CUL2: variants seen among roughly 807,000 people sequenced by gnomAD.
CUL2 encodes cullin 2.
CUL2 carries 22 observed loss-of-function variants against 110.2 expected under a neutral mutation model. The observed-to-expected ratio is 0.20, with a 90% confidence interval of 0.14 to 0.28. The LOEUF (loss-of-function observed/expected upper bound fraction) is 0.28, where lower values mean the gene tolerates loss of function less well. Among genes scored for constraint, CUL2 ranks in the 10% least tolerant of loss-of-function variants. The probability of loss-of-function intolerance (pLI) is 1.00; values close to 1 mark genes in which losing one functional copy is unlikely to be tolerated. For missense variants in CUL2, 631 were observed against 905.5 expected (o/e 0.70, Z 3.89); for synonymous variants, 279 against 293.2 (o/e 0.95, Z 0.49).
chr10:35,114,492 C>A (rs184022098), intron 1 of CUL2, among the ~76,000 whole-genome samples: 16 of 152,146 alleles, frequency 1.1e-4, no homozygotes, highest in East Asian at 7.8e-4. Context: ...CAGCGATTCT[C>A]CTGCCTCAGC....
chr10:35,070,957 A>C (rs1427779863), intron 2 of CUL2, among the ~76,000 whole-genome samples: 1 of 152,090 alleles, frequency 6.6e-6, no homozygotes, highest in Non-Finnish European at 1.5e-5. Context: ...TTTGTTCACC[A>C]ACTGTATTCC....
chr10:35,048,426 C>T (rs2086007006), intron 6 of CUL2, among the ~76,000 whole-genome samples: 1 of 152,076 alleles, frequency 6.6e-6, no homozygotes, highest in Admixed American at 6.6e-5. Flanking sequence ...AACAATCACA[C>T]TAAAAATTTA....
chr10:35,092,375 C>A (rs1046648794), upstream of CUL2, among the ~76,000 whole-genome samples: 1 of 152,224 alleles, frequency 6.6e-6, no homozygotes, highest in Admixed American at 6.5e-5. Flanking sequence ...GTCATTGGAT[C>A]GCTGTATTCT....
chr10:35,010,450 A>T lies in CUL2; in HGVS notation c.2107-8T>A. ...TCTTGACTGGCTAATCACCTGTGGA[A>T]GAGATGTGGAAGTCAAACTACTGCC... On this transcript the variant is annotated splice_region_variant and splice_polypyrimidine_tract_variant and intron_variant, in intron 20 of 20. Transcript: ENST00000374749. 6.3e-7 allele frequency: 1 copy of T among 1,598,568 alleles called. No homozygotes were observed. Among genetic ancestry groups the T allele is most frequent in the East Asian group, 2.3e-5 (1 of 43,960 alleles).
At chr10:35,122,730 T>C (rs1011558467) in intron 1 of CUL2, among the ~76,000 whole-genome samples, 3 of 152,124 alleles carry the variant, frequency 2.0e-5, no homozygotes, top group Non-Finnish European at 4.4e-5. Context: ...CTCCACCCCC[T>C]GGGTTCAAGT....
chr10:35,114,140 T>C (rs2087559782), intron 1 of CUL2, among the ~76,000 whole-genome samples: 1 of 151,552 alleles, frequency 6.6e-6, no homozygotes, highest in Non-Finnish European at 1.5e-5. Flanking sequence ...GCCAGGATGG[T>C]CTCGATCTCC....
intron 1 of CUL2, among the ~76,000 whole-genome samples, chr10:35,115,578 G>A (rs533935513): frequency 2.6e-5 from 4 of 151,278 alleles, no homozygotes; most frequent in East Asian, 2.0e-4. Context: ...ATATTAACAA[G>A]GGAGATAAAT....
chr10:35,121,818 A>T (rs1452517775), intron 1 of CUL2, among the ~76,000 whole-genome samples: 4 of 152,146 alleles, frequency 2.6e-5, no homozygotes, highest in East Asian at 1.9e-4. Context: ...TCAAAAAAAA[A>T]AAAAAAAATA....
intron 17 of CUL2, among the ~76,000 whole-genome samples, chr10:35,021,864 G>A (rs2085205041): frequency 9.0e-6 from 1 of 111,492 alleles, no homozygotes; most frequent in African/African-American, 3.4e-5. Flanking sequence ...GGTGAGGTGG[G>A]GTGGGGTGAG....
At chr10:35,081,487 A>G (rs2086946448) in intron 1 of CUL2, among the ~76,000 whole-genome samples, 1 of 152,234 alleles carries the variant, frequency 6.6e-6, no homozygotes, top group Admixed American at 6.6e-5. Flanking sequence ...GATCTCAGGT[A>G]AATTAGAGAA....
At chr10:35,087,309 G>A (rs1488764861) in intron 1 of CUL2, among the ~76,000 whole-genome samples, 1 of 152,140 alleles carries the variant, frequency 6.6e-6, no homozygotes, top group Non-Finnish European at 1.5e-5. Flanking sequence ...TACAGTTTTT[G>A]TTCAAAACAT....
intron 8 of CUL2, among the ~76,000 whole-genome samples, chr10:35,040,474 A>C (rs908992820): frequency 2.0e-5 from 3 of 152,196 alleles, no homozygotes; most frequent in Non-Finnish European, 2.9e-5. Flanking sequence ...CACTTTGGAG[A>C]GTGCTGCTGA....
At chr10:35,074,398 C>G in intron 1 of CUL2, 3 of 625,078 alleles carry the variant, frequency 4.8e-6, no homozygotes, top group Middle Eastern at 2.5e-4. Flanking sequence ...ATACACTTGC[C>G]TTTACCCTTA....
In CUL2 at chr10:35,033,178, A is replaced by C; in HGVS notation, c.1098T>G (p.Ser366Arg). 6.2e-7 allele frequency: 1 copy of C among 1,611,074 alleles called. No individual in the cohort carries two copies. Among genetic ancestry groups the C allele is most frequent in the Non-Finnish European group, 8.5e-7 (1 of 1,177,638 alleles). ...ATTTAAAACTTACCTTATCCAACGC[A>C]CTCATAAAATGCTGATCACCATTCA... ...TVLNGDQHFMSALDKALTSVV... is the reference protein window; with the variant it reads ...TVLNGDQHFMRALDKALTSVV... The change falls in exon 11 of 21, where the codon AGT (serine) becomes AGG (arginine). Residue 366 changes from serine (S) to arginine (R), a missense_variant. This residue lies in a region of CUL2 where 338 missense variants were observed against 442.5 expected (regional missense o/e 0.76). Coordinates refer to ENST00000374749, the MANE Select transcript of CUL2 (RefSeq NM_003591.4).
chr10:35,124,716 G>A lies in CUL2; in HGVS notation c.-51+1889C>T, dbSNP rs184154509. Among the ~76,000 whole-genome samples, 765 of 152,264 alleles carry A rather than the reference G, an allele frequency of 5.0e-3. 49 individuals carry two copies. In the South Asian group the frequency reaches 0.13, roughly 26 times the overall value. ...TTGTAGGGAAAGGAGCCAAGAGGAC[G>A]AAAAAGGCTGTAGGTATGACTCTTG... On this transcript the variant is annotated intron_variant, in intron 1 of 5. Coordinates refer to the CUL2 transcript ENST00000685421.
chr10:35,061,127 AAAC>A (rs2086369949), intron 3 of CUL2, among the ~76,000 whole-genome samples, 159 bp from the exon 4 acceptor site: 2 of 152,214 alleles, frequency 1.3e-5, no homozygotes, highest in Admixed American at 6.5e-5. Flanking sequence ...ATTAAAAATG[AAAC>A]AACTGGGAAA....
intron 1 of CUL2, among the ~76,000 whole-genome samples, chr10:35,081,017 C>T (rs2086934294): frequency 6.6e-6 from 1 of 151,888 alleles, no homozygotes; most frequent in South Asian, 2.1e-4. Context: ...AGTTTGAAAA[C>T]AGCCTTAGCA....
chr10:35,093,140 C>A (rs2087239782), upstream of CUL2, among the ~76,000 whole-genome samples: 1 of 152,104 alleles, frequency 6.6e-6, no homozygotes, highest in African/African-American at 2.4e-5. Flanking sequence ...ATCCCCAACC[C>A]ATCAGCAGAA....
At position 35,039,019 on chromosome 10, in the gene CUL2, T is replaced by C. The variant is rs554012619; in HGVS notation, c.778A>G (p.Thr260Ala). The C allele has an allele frequency of 3.1e-6, 5 of 1,608,000 alleles. No individual in the cohort carries two copies. The East Asian group carries it at 9.0e-5, about 29-fold the overall frequency. The change falls in exon 9 of 21, where the codon ACT (threonine) becomes GCT (alanine). Residue 260 changes from threonine (T) to alanine (A), a missense_variant. Coordinates refer to ENST00000374749, the MANE Select transcript of CUL2 (RefSeq NM_003591.4). ...CRKYLHPSSY[T>A]KVIHECQQRM... is the part of the protein sequence containing the mutation. ...TGTTGACATTCATGAATCACCTTAG[T>C]ATATGAACTTGGATGTAGGTATTTT...
Sources: allele counts gnomAD v4.1 joint callset (sites outside exome capture counted in the v4.1 genomes callset), GRCh38; gene constraint gnomAD v4.1.1; regional missense constraint gnomAD v4.1.1; transcripts MANE v1.5; gene names NCBI Gene and HGNC (gene_info 2026-07-23, HGNC 2026-07-21).